HPSE2: variants seen among roughly 807,000 people sequenced by gnomAD.
HPSE2 encodes the protein heparanase 2 (inactive), also known as inactive heparanase-2.
Under a neutral mutation model 60.5 loss-of-function variants are expected in HPSE2, and 38 were observed. That is an observed-to-expected ratio of 0.63 (90% CI 0.48 to 0.82). The LOEUF is 0.82. Ranked by LOEUF, HPSE2 falls within the 40% of genes least tolerant of loss-of-function variation. The pLI, the probability that HPSE2 is intolerant of heterozygous loss-of-function variation, is 0.00. For synonymous variants in HPSE2, 295 were observed against 293.2 expected (o/e 1.01, Z -0.06); for missense variants, 713 against 740.4 (o/e 0.96, Z 0.43).
chr10:99,013,998 TC>T, intron 3 of HPSE2: 1 of 344,952 alleles, frequency 2.9e-6, no homozygotes, highest in Non-Finnish European at 5.9e-6. Flanking sequence ...CCGCCTGGCC[TC>T]CCTGGCTCAG....
chr10:98,964,823 A>G (rs1955774039), intron 3 of HPSE2, among the ~76,000 whole-genome samples: 1 of 152,170 alleles, frequency 6.6e-6, no homozygotes, highest in South Asian at 2.1e-4. Flanking sequence ...TCATACAAAT[A>G]ACTCAATTTC....
intron 5 of HPSE2, among the ~76,000 whole-genome samples, chr10:98,720,952 T>G (rs1230358227): frequency 6.6e-6 from 1 of 152,188 alleles, no homozygotes; most frequent in Non-Finnish European, 1.5e-5. Flanking sequence ...AGCTGGTAAT[T>G]TAGAGTGCTG....
At chr10:98,943,091 G>T (rs1955064719) in intron 3 of HPSE2, among the ~76,000 whole-genome samples, 1 of 105,128 alleles carries the variant, frequency 9.5e-6, no homozygotes, top group Non-Finnish European at 1.8e-5. Context: ...TGGGGTGGGG[G>T]GAGGGGGGAG....
At chr10:98,510,971 T>G (rs1200529403) in intron 9 of HPSE2, among the ~76,000 whole-genome samples, 1 of 152,148 alleles carries the variant, frequency 6.6e-6, no homozygotes, top group Non-Finnish European at 1.5e-5. Flanking sequence ...GGAGAGGTAA[T>G]TTGCTTAGAA....
At chr10:98,576,771 A>C (rs1944651302) in intron 9 of HPSE2, among the ~76,000 whole-genome samples, 1 of 151,828 alleles carries the variant, frequency 6.6e-6, no homozygotes, top group Non-Finnish European at 1.5e-5. Flanking sequence ...GAGAAAACAG[A>C]TCTCCAGGAC....
chr10:99,218,742 G>C (rs2133925037), intron 2 of HPSE2, among the ~76,000 whole-genome samples: 1 of 152,268 alleles, frequency 6.6e-6, no homozygotes, highest in South Asian at 2.1e-4. Context: ...TGAAACAATA[G>C]CACTTATTTT....
the HPSE2 span, among the ~76,000 whole-genome samples, chr10:99,289,982 G>A: frequency 6.6e-6 from 1 of 152,132 alleles, no homozygotes; most frequent in East Asian, 1.9e-4. Flanking sequence ...ATATGCTAAA[G>A]AAGAAACTAA....
At chr10:99,297,361 G>A in the HPSE2 span, among the ~76,000 whole-genome samples, 282 of 152,316 alleles carry the variant, frequency 1.9e-3, no homozygotes, top group African/African-American at 6.5e-3. Context: ...ATCAGTCAGC[G>A]CCGTTTCCAC....
At chr10:98,735,676 A>G (rs1198958936) in intron 4 of HPSE2, among the ~76,000 whole-genome samples, 2 of 152,178 alleles carry the variant, frequency 1.3e-5, no homozygotes, top group African/African-American at 4.8e-5. Flanking sequence ...GATGTGAGAT[A>G]TGGAGTCAAA....
intron 2 of HPSE2, among the ~76,000 whole-genome samples, chr10:99,219,720 C>A (rs558678741): frequency 6.6e-6 from 1 of 152,122 alleles, no homozygotes; most frequent in African/African-American, 2.4e-5. Context: ...AATAAGATTA[C>A]CGTACTGTGA....
intron 3 of HPSE2, among the ~76,000 whole-genome samples, chr10:98,760,331 T>C (rs905784568): frequency 5.3e-5 from 8 of 152,250 alleles, no homozygotes; most frequent in Admixed American, 1.3e-4. Context: ...GGACTTCTAG[T>C]ACTATGTTGA....
chr10:98,555,626 T>C lies in HPSE2; in HGVS notation c.1320+59278A>G, dbSNP rs147974325. Among the ~76,000 whole-genome samples the C allele has an allele frequency of 4.4e-3, 674 of 152,366 alleles. 7 individuals carry two copies. Among genetic ancestry groups the C allele is most frequent in the African/African-American group, 0.015 (634 of 41,586 alleles). On this transcript the variant is annotated intron_variant, in intron 9 of 11. Transcript: ENST00000370552. The stretch of plus-strand genomic sequence containing the variant: ...GATTCTATACTTAACTATTCTTCTG[T>C]GTATTTCCATTTATTTTCTATACTT...
At chr10:98,510,832 T>C (rs1942365188) in intron 9 of HPSE2, among the ~76,000 whole-genome samples, 1 of 152,182 alleles carries the variant, frequency 6.6e-6, no homozygotes, top group Non-Finnish European at 1.5e-5. Flanking sequence ...GTAAACACCC[T>C]CTGTGAAATG....
the HPSE2 span, among the ~76,000 whole-genome samples, chr10:99,292,254 T>G: frequency 1.3e-5 from 2 of 152,168 alleles, no homozygotes. Context: ...AGTAAATAGT[T>G]GGGAAGTTGG....
intron 9 of HPSE2, among the ~76,000 whole-genome samples, chr10:98,497,385 G>A (rs1941880069): frequency 1.3e-5 from 2 of 152,074 alleles, no homozygotes; most frequent in African/African-American, 4.8e-5. Flanking sequence ...GTGTGTATGT[G>A]TGTGCATCTT....
chr10:98,910,999 C>T (rs1407562451), intron 3 of HPSE2, among the ~76,000 whole-genome samples: 1 of 151,884 alleles, frequency 6.6e-6, no homozygotes, highest in Non-Finnish European at 1.5e-5. Flanking sequence ...CATAAAAAAT[C>T]AGAATAGAAA....
chr10:98,935,256 T>C (rs1218875713), intron 3 of HPSE2, among the ~76,000 whole-genome samples: 1 of 142,864 alleles, frequency 7.0e-6, no homozygotes, highest in Non-Finnish European at 1.5e-5. Flanking sequence ...TAAAATTTGT[T>C]ATTACCCACT....
At chr10:98,752,500 A>G (rs893565249) in intron 3 of HPSE2, among the ~76,000 whole-genome samples, 2 of 152,202 alleles carry the variant, frequency 1.3e-5, no homozygotes, top group Non-Finnish European at 2.9e-5. Context: ...AATACTCTTC[A>G]TTGCTTTTCA....
chr10:98,906,929 T>C (rs916474912), intron 3 of HPSE2, among the ~76,000 whole-genome samples: 3 of 151,742 alleles, frequency 2.0e-5, no homozygotes, highest in African/African-American at 7.3e-5. Flanking sequence ...GCTAGAATAG[T>C]AGACCAACTT....
Sources: gnomAD v4.1 joint callset for allele counts (sites outside exome capture counted in the v4.1 genomes callset) on GRCh38, gnomAD v4.1.1 for gene constraint, MANE v1.5 for transcripts, NCBI Gene and HGNC (gene_info 2026-07-23, HGNC 2026-07-21) for gene names.